Variants in RYR2 observed in about 807,000 individuals in gnomAD.
The protein encoded by RYR2 is ryanodine receptor 2, also known as cardiac muscle ryanodine receptor-calcium release channel.
Under a neutral mutation model 601.1 loss-of-function variants are expected in RYR2, and 227 were observed. That is an observed-to-expected ratio of 0.38 (90% confidence interval 0.34 to 0.42). The LOEUF is 0.42. RYR2 is among the 10% of genes least tolerant of loss of function. The pLI is 1.00. For missense variants in RYR2, 4,646 were observed against 6,156.5 expected (o/e 0.75, Z 8.21); for synonymous variants, 2,223 against 2,175.1 (o/e 1.02, Z -0.61).
intron 16 of RYR2, among the ~76,000 whole-genome samples, chr1:237,460,278 G>T (rs575212658): frequency 6.6e-6 from 1 of 151,874 alleles, no homozygotes; most frequent in Non-Finnish European, 1.5e-5. Flanking sequence ...AACGCTTCTC[G>T]CATCTCATTA....
Position 237,639,148 on chromosome 1 carries a change from C to T in RYR2, c.7062C>T (p.Ala2354=), listed in dbSNP as rs182038403. 6.7e-5 allele frequency: 108 copies of T among 1,613,712 alleles called. 1 individual carries two copies. The Admixed American group carries it at 1.1e-3, about 16-fold the overall frequency. Residue 2354 remains alanine, a synonymous_variant, in exon 46 of 105, where the codon GCC becomes GCT. Coordinates refer to ENST00000366574, the MANE Select transcript of RYR2 (RefSeq NM_001035.3). ...LAAMEEAIKI[A]EDPSRDGPSP... The stretch of plus-strand genomic sequence containing the variant: ...CAATGGAAGAAGCCATCAAAATCGC[C>T]GAGGATCCTTCCCGAGATGGTCCCT...
At chr1:237,406,746 A>G (rs1202926675) in intron 10 of RYR2, among the ~76,000 whole-genome samples, 2 of 152,202 alleles carry the variant, frequency 1.3e-5, no homozygotes, top group East Asian at 3.9e-4. Context: ...TTTTAGGTTT[A>G]CAGGAAAATT....
chr1:237,781,344 C>T lies in RYR2; in HGVS notation c.11881-221C>T, dbSNP rs138861416. ...CTAGGATTACAGGCATGAGCCACTG[C>T]GCCCGGCCTACAAATACTTTAAAGA... On this transcript the variant is annotated intron_variant, in intron 88 of 104. Transcript: ENST00000366574. Among the ~76,000 whole-genome samples, 1,657 of 152,316 alleles carry T rather than the reference C, an allele frequency of 0.011. 15 individuals are homozygous for T. Among genetic ancestry groups the T allele is most frequent in the Middle Eastern group, 0.02 (6 of 294 alleles).
chr1:237,237,138 C>T (rs12408892), intron 1 of RYR2, among the ~76,000 whole-genome samples: 40,754 of 152,014 alleles, frequency 0.27, 6,380 homozygotes, highest in Admixed American at 0.38. Context: ...TGTAAGTTTC[C>T]GGAGGCCTCC....
At chr1:237,640,829 A>G (rs1681388941) in intron 46 of RYR2, 68 bp from the exon 47 acceptor site, 3 of 1,227,740 alleles carry the variant, frequency 2.4e-6, no homozygotes, top group Non-Finnish European at 3.5e-6. Flanking sequence ...CCTCGGAGAG[A>G]TATGTAATAA....
At position 237,716,306 on chromosome 1, in the gene RYR2, C is replaced by T. The variant is rs1260165868; in HGVS notation, c.10324-892C>T. On this transcript the variant is annotated intron_variant, in intron 71 of 104. Transcript: ENST00000366574. ...ATTCTATTATGTTTTTTCTCAATAG[C>T]CCAAGACTATTACAATGTATTTATA... Among the ~76,000 whole-genome samples, 8 of 151,884 alleles carry T rather than the reference C, an allele frequency of 5.3e-5. No homozygotes were observed. The East Asian group carries it at 1.5e-3, about 29-fold the overall frequency.
At chr1:237,232,476 C>T (rs1685103690) in intron 1 of RYR2, among the ~76,000 whole-genome samples, 1 of 152,194 alleles carries the variant, frequency 6.6e-6, no homozygotes, top group Non-Finnish European at 1.5e-5. Context: ...TACCTTCCCT[C>T]ATACCTTACC....
intron 87 of RYR2, among the ~76,000 whole-genome samples, chr1:237,775,075 CAAAAAA>C (rs5781992): frequency 8.8e-5 from 8 of 90,452 alleles, no homozygotes; most frequent in African/African-American, 2.5e-4. Flanking sequence ...CAATAAGAAC[CAAAAAA>C]AAAAAAAAAA....
rs139663730 is a variant in RYR2, at chr1:237,735,089, T to C, written c.11091+1333T>C. 9.8e-4 allele frequency among the ~76,000 whole-genome samples: 150 copies of C among 152,286 alleles called. 1 individual carries two copies. The highest frequency in any genetic ancestry group is 2.9e-3 in the African/African-American group (120 of 41,570). On this transcript the variant is annotated intron_variant, in intron 79 of 104. Transcript: ENST00000366574. ...TAGGAGCTAGAAGCTATAGGACTTA[T>C]TGTGTGGTCACCAAAATCATGTTCT...
chr1:237,549,628 CTTTTTTTTTTTT>C (rs57579159), intron 26 of RYR2, among the ~76,000 whole-genome samples: 17 of 77,734 alleles, frequency 2.2e-4, no homozygotes, highest in South Asian at 1.3e-3. Flanking sequence ...CCATAGCTTT[CTTTTTTTTTTTT>C]TTTTTTTTTT....
In RYR2 at chr1:237,500,841, G is replaced by C. The variant is rs397516521; in HGVS notation, c.2334G>C (p.Met778Ile). The change falls in exon 21 of 105, where the codon ATG (methionine) becomes ATC (isoleucine). Residue 778 changes from methionine to isoleucine, a missense_variant. Around this residue, in one of 17 missense-constraint regions of RYR2, gnomAD observed 1,807 missense variants for 2,088.1 expected, o/e 0.87. Transcript: ENST00000366574. Reference sequence around the variant, plus strand: ...TTAATGGACAACCTGTTCAAGGAATGTTTGAGAATTTCAACATCGATGGCC... The same window carrying C: ...TTAATGGACAACCTGTTCAAGGAATCTTTGAGAATTTCAACATCGATGGCC... ...FRINGQPVQG[M>I]FENFNIDGLF... is the part of the protein sequence containing the mutation. The C allele has an allele frequency of 1.2e-6, 2 of 1,614,046 alleles. No homozygotes were observed. The highest frequency in any genetic ancestry group is 1.7e-6 in the Non-Finnish European group (2 of 1,179,892).
chr1:237,116,377 T>C (rs2490387), intron 1 of RYR2, among the ~76,000 whole-genome samples: 11,375 of 152,126 alleles, frequency 0.075, 597 homozygotes, highest in African/African-American at 0.15. Flanking sequence ...CTAAGACACC[T>C]TGCCTGCCTT....
rs1016543077 is a variant in RYR2, at chr1:237,365,985, G to A, written c.309+1613G>A. Among the ~76,000 whole-genome samples, 8 of 152,204 alleles carry A rather than the reference G, an allele frequency of 5.3e-5. 1 individual carries two copies. Among genetic ancestry groups the A allele is most frequent in the African/African-American group, 1.9e-4 (8 of 41,458 alleles). ...TTTTCACACTTGCAATGGATGATCT[G>A]GAAAGGTTAGAATTGGATTAAGGGG... On this transcript the variant is annotated intron_variant, in intron 5 of 104. Coordinates refer to ENST00000366574, the MANE Select transcript of RYR2 (RefSeq NM_001035.3).
At chr1:237,711,673 G>C in intron 70 of RYR2, 72 bp from the exon 71 acceptor site, 1 of 734,108 alleles carries the variant, frequency 1.4e-6, no homozygotes, top group East Asian at 2.7e-5. Context: ...AAACTTGCAG[G>C]TTCTGTGTAA....
Position 237,456,585 on chromosome 1 carries a change from T to TC in RYR2, c.1477-15_1477-14insC. ...GGATGTCTGATTGTGATTTTTTTTT[T>TC]TTTTAACGTTCCAGGGAATGATCAA... On this transcript the variant is annotated splice_polypyrimidine_tract_variant and intron_variant, in intron 15 of 104. Transcript: ENST00000366574. 1 of 1,493,780 alleles carries TC rather than the reference T, an allele frequency of 6.7e-7. No homozygotes were observed. Among genetic ancestry groups the TC allele is most frequent in the Non-Finnish European group, 9.0e-7 (1 of 1,114,838 alleles). 92.5% of individuals were successfully genotyped at this position (1,493,780 alleles called of 1,614,324 possible). A position where few individuals can be genotyped will look rare whatever the true frequency, so the allele number is the denominator to read the frequency against.
chr1:237,662,918 C>G (rs1486158635), intron 56 of RYR2, among the ~76,000 whole-genome samples: 1 of 152,210 alleles, frequency 6.6e-6, no homozygotes, highest in African/African-American at 2.4e-5. Context: ...TGTACTTGAT[C>G]TCTGTTTGCC....
chr1:237,612,043 A>G (rs1368101740), intron 36 of RYR2, among the ~76,000 whole-genome samples: 1 of 152,184 alleles, frequency 6.6e-6, no homozygotes, highest in African/African-American at 2.4e-5. Flanking sequence ...CTTATGAGTC[A>G]ATAAACAAAA....
chr1:237,450,632 A>T (rs1478862017), intron 14 of RYR2, among the ~76,000 whole-genome samples: 2 of 152,176 alleles, frequency 1.3e-5, no homozygotes, highest in Non-Finnish European at 2.9e-5. Flanking sequence ...GACATGTGCA[A>T]TGCTTATTTC....
At position 237,271,642 on chromosome 1, in the gene RYR2, C is replaced by G. The variant is rs553139013; in HGVS notation, c.168+1026C>G. 6.8e-4 allele frequency among the ~76,000 whole-genome samples: 104 copies of G among 152,138 alleles called. 1 individual carries two copies. The highest frequency in any genetic ancestry group is 1.2e-3 in the Non-Finnish European group (79 of 68,012). On this transcript the variant is annotated intron_variant, in intron 2 of 104. Transcript: ENST00000366574. ...CATCTCTTTGAATCTCCACATGCAACCAGAAAGAGCTATGAAGAGGGTAAA... is the reference window on the plus strand; with the variant it reads ...CATCTCTTTGAATCTCCACATGCAAGCAGAAAGAGCTATGAAGAGGGTAAA...
Sources: allele counts gnomAD v4.1 joint callset (sites outside exome capture counted in the v4.1 genomes callset), GRCh38; gene constraint gnomAD v4.1.1; regional missense constraint gnomAD v4.1.1; transcripts MANE v1.5; gene names NCBI Gene and HGNC (gene_info 2026-07-23, HGNC 2026-07-21).